The following FAM227B variants were observed in gnomAD, a reference collection of about 807,000 sequenced individuals.
FAM227B encodes the protein family with sequence similarity 227 member B.
Under a neutral mutation model 73.8 loss-of-function variants are expected in FAM227B, and 88 were observed. The ratio of observed to expected loss-of-function variants is 1.19; its 90% CI spans 1.00 to 1.42. FAM227B has a LOEUF of 1.42. Ranked by LOEUF, FAM227B falls within the 40% of genes most tolerant of loss-of-function variation. The pLI, the probability that FAM227B is intolerant of heterozygous loss-of-function variation, is 0.00. For synonymous variants in FAM227B, 210 were observed against 190.5 expected (o/e 1.10, Z -0.84); for missense variants, 632 against 590.9 (o/e 1.07, Z -0.72).
chr15:49,358,945 C>T (rs1437645680), intron 13 of FAM227B, among the ~76,000 whole-genome samples: 1 of 147,606 alleles, frequency 6.8e-6, no homozygotes, highest in East Asian at 2.0e-4. Context: ...ATATCTACAA[C>T]TATCTGATCT....
rs757519767 is a variant in FAM227B at position 49,331,792 on chromosome 15, G to C, written c.1407C>G (p.Phe469Leu). 2.5e-6 allele frequency: 4 copies of C among 1,603,124 alleles called. No homozygotes were observed. The East Asian group carries it at 8.9e-5, about 36-fold the overall frequency. Residue 469 changes from phenylalanine to leucine, a missense_variant, in exon 15 of 16, where the codon TTC becomes TTG. Physicochemically the swap from Phe to Leu is conservative, Grantham distance 22. Coordinates refer to ENST00000299338, the MANE Select transcript of FAM227B (RefSeq NM_152647.3). ...PHEVKQDFEK[F>L]LHKLRSEAEI... Reference sequence around the variant, plus strand: ...AAAGAAAACCTACCAGTTTATGTAGGAACTTCTCAAAGTCCTGTTTCACTT... The same window carrying C: ...AAAGAAAACCTACCAGTTTATGTAGCAACTTCTCAAAGTCCTGTTTCACTT...
intron 13 of FAM227B, among the ~76,000 whole-genome samples, chr15:49,357,718 A>C (rs915777573): frequency 1.3e-5 from 2 of 151,966 alleles, no homozygotes; most frequent in African/African-American, 4.8e-5. Flanking sequence ...AAAAGAGGGA[A>C]TCCTCCCTAA....
chr15:49,434,286 C>T (rs1597160905), intron 11 of FAM227B: 1 of 148,334 alleles, frequency 6.7e-6, no homozygotes, highest in African/African-American at 2.5e-5. Context: ...AGGTTAATGA[C>T]TTTTTTTTTT....
chr15:49,558,090 G>A (rs1013777419), intron 9 of FAM227B, among the ~76,000 whole-genome samples: 2 of 151,020 alleles, frequency 1.3e-5, no homozygotes, highest in Middle Eastern at 3.2e-3. Context: ...CTCCTCATCC[G>A]GCAGGGCTTG....
At chr15:49,430,448 A>T (rs1294710426) in intron 11 of FAM227B, among the ~76,000 whole-genome samples, 1 of 151,866 alleles carries the variant, frequency 6.6e-6, no homozygotes, top group East Asian at 1.9e-4. Context: ...TAAGGAGACA[A>T]CCTCTAGCCT....
At chr15:49,482,838 G>A (rs955380864) in intron 11 of FAM227B, among the ~76,000 whole-genome samples, 2 of 151,906 alleles carry the variant, frequency 1.3e-5, no homozygotes, top group African/African-American at 4.8e-5. Context: ...ATAAACATTA[G>A]CTATTATTAT....
At chr15:49,351,360 AC>A (rs2042216887) in intron 13 of FAM227B, among the ~76,000 whole-genome samples, 1 of 152,226 alleles carries the variant, frequency 6.6e-6, no homozygotes, top group Non-Finnish European at 1.5e-5. Context: ...GAAAGAAGAT[AC>A]GGCCAATTCC....
chr15:49,367,513 C>T lies in FAM227B; in HGVS notation c.1206G>A (p.Glu402=). The T allele has an allele frequency of 1.2e-6, 2 of 1,606,422 alleles. No individual in the cohort carries two copies. The highest frequency in any genetic ancestry group is 1.7e-6 in the Non-Finnish European group (2 of 1,178,296). ...PLILYYLKMH[E]LAGISKAPKK... ...TAGGTGCTTTGGAAATACCAGCCAG[C>T]TCATGCATCTTAAGATAATATAAAA... Residue 402 remains glutamate, a synonymous_variant, in exon 13 of 16, where the codon GAG becomes GAA. Transcript: ENST00000299338.
At chr15:49,351,167 G>T (rs1206545475) in intron 13 of FAM227B, among the ~76,000 whole-genome samples, 7 of 152,160 alleles carry the variant, frequency 4.6e-5, no homozygotes, top group Non-Finnish European at 8.8e-5. Context: ...AGGTAGTAGA[G>T]AAATAAGAAC....
chr15:49,330,741 ACC>A (rs773857120), intron 15 of FAM227B: 1 of 149,236 alleles, frequency 6.7e-6, no homozygotes, highest in East Asian at 2.0e-4. Context: ...GGGAAGATAG[ACC>A]AAAAAAAAAA....
intron 11 of FAM227B, among the ~76,000 whole-genome samples, chr15:49,406,721 C>T (rs994071649): frequency 3.3e-5 from 5 of 151,988 alleles, no homozygotes; most frequent in African/African-American, 1.2e-4. Flanking sequence ...GACGTGCACA[C>T]ACACACACAC....
intron 3 of FAM227B, among the ~76,000 whole-genome samples, chr15:49,591,107 C>T (rs536609787): frequency 2.5e-4 from 31 of 124,054 alleles, no homozygotes; most frequent in Non-Finnish European, 4.2e-4. Context: ...TGCAGTGGTG[C>T]GATCTTGGCT....
chr15:49,438,640 T>C (rs944134512), intron 11 of FAM227B, among the ~76,000 whole-genome samples: 3 of 151,704 alleles, frequency 2.0e-5, no homozygotes, highest in African/African-American at 7.2e-5. Flanking sequence ...TAATACTGTA[T>C]CATATATTAT....
At chr15:49,441,091 A>T (rs1020971374) in intron 11 of FAM227B, among the ~76,000 whole-genome samples, 3 of 151,794 alleles carry the variant, frequency 2.0e-5, no homozygotes, top group African/African-American at 7.2e-5. Context: ...TGAGTAAATA[A>T]GATAATTTCC....
intron 11 of FAM227B, among the ~76,000 whole-genome samples, chr15:49,411,354 A>C (rs1190939635): frequency 1.3e-5 from 2 of 152,142 alleles, no homozygotes; most frequent in Non-Finnish European, 2.9e-5. Context: ...AATATATTCT[A>C]GGTATGCTAA....
intron 11 of FAM227B, among the ~76,000 whole-genome samples, chr15:49,455,229 C>T (rs547115865): frequency 1.1e-4 from 16 of 152,292 alleles, no homozygotes; most frequent in Non-Finnish European, 1.8e-4. Flanking sequence ...GTCAGGCATT[C>T]TGCTAGGTGG....
intron 11 of FAM227B, among the ~76,000 whole-genome samples, chr15:49,454,109 A>G (rs1378826335): frequency 6.6e-6 from 1 of 152,178 alleles, no homozygotes; most frequent in Non-Finnish European, 1.5e-5. Flanking sequence ...CTTTACCTCT[A>G]ATTAATGTAC....
chr15:49,520,233 A>G (rs1441155780), intron 10 of FAM227B, among the ~76,000 whole-genome samples: 1 of 152,156 alleles, frequency 6.6e-6, no homozygotes, highest in East Asian at 1.9e-4. Flanking sequence ...CAGCATCAAA[A>G]TGCTGACAGT....
intron 13 of FAM227B, among the ~76,000 whole-genome samples, chr15:49,364,560 T>C (rs1247047380): frequency 4.6e-5 from 7 of 152,154 alleles, no homozygotes; most frequent in Admixed American, 4.6e-4. Flanking sequence ...TAATTTCAGT[T>C]CTCAAGTTTA....
Sources: allele counts gnomAD v4.1 joint callset (sites outside exome capture counted in the v4.1 genomes callset), GRCh38; gene constraint gnomAD v4.1.1; transcripts MANE v1.5; gene names NCBI Gene and HGNC (gene_info 2026-07-23, HGNC 2026-07-21).